GALNT15: variants seen among roughly 807,000 people sequenced by gnomAD.
GALNT15 encodes UDP-GalNAc transferase T15.
GALNT15 carries 67 observed loss-of-function variants against 66.8 expected under a neutral mutation model. That is an observed-to-expected ratio of 1.00 (90% CI 0.82 to 1.23). GALNT15 has a LOEUF of 1.23. Among genes scored for constraint, GALNT15 ranks in the 50% most tolerant of loss-of-function variants. The probability of loss-of-function intolerance (pLI) is 0.00; values close to 1 mark genes in which losing one functional copy is unlikely to be tolerated. For missense variants in GALNT15, 827 were observed against 804.3 expected (o/e 1.03, Z -0.34); for synonymous variants, 313 against 311.5 (o/e 1.00, Z -0.05).
the GALNT15 span, among the ~76,000 whole-genome samples, chr3:16,244,659 A>G: frequency 1.3e-5 from 2 of 152,228 alleles, no homozygotes; most frequent in Admixed American, 6.5e-5. Context: ...ATCGGCATGT[A>G]GACAGTGCAA....
chr3:16,184,265 T>C lies in GALNT15; in HGVS notation c.539+8575T>C, dbSNP rs766012191. 6.6e-6 allele frequency among the ~76,000 whole-genome samples: 1 copy of C among 152,270 alleles called. No homozygotes were observed. Among genetic ancestry groups the C allele is most frequent in the Non-Finnish European group, 1.5e-5 (1 of 68,056 alleles). On this transcript the variant is annotated intron_variant, in intron 1 of 9. Transcript: ENST00000339732. This position sits in a 1 kb window ranked among gnomAD's most constrained non-coding sequence, Gnocchi z 5.0. ...TGAAGCAGAGAAGTTAGCCTCATTA[T>C]TTAACAATAAAAACATACATTTCTT... is the stretch of plus-strand genomic sequence containing the variant.
In GALNT15 at chr3:16,228,598, G is replaced by T. The variant is rs2064047959; in HGVS notation, c.*1098G>T. On this transcript the variant is annotated 3_prime_UTR_variant, in exon 10 of 10. Transcript: ENST00000339732. ...AGAGGTTGCAGTGAGCTGAGATCAT[G>T]CCATTGCACTCCAACCTGGGTGACA... The T allele has an allele frequency of 2.1e-6, 2 of 933,816 alleles. No individual in the cohort carries two copies. The highest frequency in any genetic ancestry group is 2.5e-6 in the Non-Finnish European group (2 of 785,240). 57.8% of individuals were successfully genotyped at this position (933,816 alleles called of 1,614,324 possible). A position where few individuals can be genotyped will look rare whatever the true frequency, so the allele number is the denominator to read the frequency against.
At chr3:16,232,508 A>ATATATATT (rs1553689265), downstream of GALNT15, among the ~76,000 whole-genome samples, 4 of 78,596 alleles carry the variant, frequency 5.1e-5, no homozygotes, top group Admixed American at 1.2e-4. Context: ...ATATATATAT[A>ATATATATT]TATTTATTTA....
intron 3 of GALNT15, among the ~76,000 whole-genome samples, chr3:16,205,211 CT>C (rs2063744652): frequency 6.6e-6 from 1 of 152,228 alleles, no homozygotes. Context: ...GTATAAGAGA[CT>C]TTCCACAAAC....
intron 8 of GALNT15, among the ~76,000 whole-genome samples, chr3:16,220,666 A>T (rs749963018): frequency 6.6e-6 from 1 of 152,220 alleles, no homozygotes; most frequent in Non-Finnish European, 1.5e-5. Context: ...AAGTTATCAC[A>T]TCCCAAAGGC....
Position 16,175,566 on chromosome 3 carries a change from G to A in GALNT15, c.415G>A (p.Glu139Lys), listed in dbSNP as rs1482082185. The A allele has an allele frequency of 3.7e-6, 6 of 1,613,954 alleles. No individual in the cohort carries two copies. Among genetic ancestry groups the A allele is most frequent in the Non-Finnish European group, 5.1e-6 (6 of 1,179,992 alleles). The part of the protein sequence containing the change: ...EAPKRDWGAD[E>K]DGEVSEEEEL... ...CCCAAAGAGGGACTGGGGGGCTGATGAGGACGGGGAGGTGTCTGAAGAAGA... is the reference window on the plus strand; with the variant it reads ...CCCAAAGAGGGACTGGGGGGCTGATAAGGACGGGGAGGTGTCTGAAGAAGA... Residue 139 changes from glutamate to lysine, a missense_variant, in exon 1 of 10, where the codon GAG (glutamate) becomes AAG (lysine). Transcript: ENST00000339732. The surrounding 1 kb of genome is among the most constrained non-coding windows in gnomAD (Gnocchi z 5.6).
At chr3:16,190,600 T>G (rs886128375) in intron 1 of GALNT15, among the ~76,000 whole-genome samples, 2 of 140,490 alleles carry the variant, frequency 1.4e-5, no homozygotes, top group African/African-American at 5.4e-5. Context: ...ATCGCGCCAC[T>G]GCACTCCAGC....
Position 16,200,255 on chromosome 3 carries a change from T to C in GALNT15, c.707-364T>C, listed in dbSNP as rs2063684912. Among the ~76,000 whole-genome samples the C allele has an allele frequency of 6.6e-6, 1 of 152,084 alleles. No homozygotes were observed. The highest frequency in any genetic ancestry group is 2.1e-4 in the South Asian group (1 of 4,822). ...CCCACCAGGTCCCTCCCTCGCCACA[T>C]AGGGATTATGGGGATTACCACTCAA... On this transcript the variant is annotated intron_variant, in intron 2 of 9. Transcript: ENST00000339732. This position sits in a 1 kb window ranked among gnomAD's most constrained non-coding sequence, Gnocchi z 4.4.
chr3:16,179,930 C>T (rs1296770188), intron 1 of GALNT15, among the ~76,000 whole-genome samples: 1 of 152,202 alleles, frequency 6.6e-6, no homozygotes, highest in Non-Finnish European at 1.5e-5. Flanking sequence ...CCCATTTAGC[C>T]TCCTGTAGCA....
rs1360720973 is a variant in GALNT15, at chr3:16,191,491, C to A, written c.540-4269C>A. On this transcript the variant is annotated intron_variant, in intron 1 of 9. Transcript: ENST00000339732. This position sits in a 1 kb window ranked among gnomAD's most constrained non-coding sequence, Gnocchi z 5.2. ...CTGAGGAAACCAAGGCACCCAGAAG[C>A]TAAGCAACTTTCCCAGGGTCATCTC... 4.4e-6 allele frequency: 1 copy of A among 226,374 alleles called. No individual in the cohort carries two copies. Among genetic ancestry groups the A allele is most frequent in the Non-Finnish European group, 7.4e-6 (1 of 135,730 alleles). The allele number at this position is 226,374 out of a possible 1,614,324, so 14.0% of individuals were successfully genotyped here.
intron 6 of GALNT15, among the ~76,000 whole-genome samples, chr3:16,213,019 G>A (rs2063833740): frequency 6.6e-6 from 1 of 152,098 alleles, no homozygotes; most frequent in East Asian, 1.9e-4. Context: ...CTATGGGATG[G>A]GATCCCTCAC....
intron 6 of GALNT15, among the ~76,000 whole-genome samples, chr3:16,216,224 A>G (rs767037677): frequency 7.9e-5 from 12 of 152,194 alleles, no homozygotes; most frequent in Non-Finnish European, 1.5e-4. Flanking sequence ...TGAGGGGCAT[A>G]AGGCAGAGTG....
chr3:16,226,521 A>G (rs1386188109), intron 9 of GALNT15, among the ~76,000 whole-genome samples: 1 of 152,198 alleles, frequency 6.6e-6, no homozygotes, highest in Non-Finnish European at 1.5e-5. Context: ...CCGTCCTTAC[A>G]TGGCGGAGCA....
the GALNT15 span, among the ~76,000 whole-genome samples, chr3:16,247,646 C>G: frequency 6.6e-6 from 1 of 152,204 alleles, no homozygotes; most frequent in Non-Finnish European, 1.5e-5. Flanking sequence ...AACGCAAGGC[C>G]CAGAATCAGA....
At chr3:16,246,263 AACTGTCCTAAGGGTC>A in the GALNT15 span, among the ~76,000 whole-genome samples, 3 of 151,586 alleles carry the variant, frequency 2.0e-5, no homozygotes, top group Non-Finnish European at 2.9e-5. Flanking sequence ...ATCCTGAGGG[AACTGTCCTAAGGGTC>A]ACTGTGCCCT....
chr3:16,231,873 G>A (rs1018880761), downstream of GALNT15: 2 of 1,536,148 alleles, frequency 1.3e-6, no homozygotes, highest in Non-Finnish European at 1.7e-6. The surrounding 1 kb of genome is among the most constrained non-coding windows in gnomAD (Gnocchi z 4.1). Context: ...ACAATGGGTA[G>A]GACATCATTT....
At position 16,229,741 on chromosome 3, in the gene GALNT15, A is replaced by T; in HGVS notation, c.*2241A>T. ...ATAATTAAATAAAAGACTGAATTTAATTGCATAAATTGTATTAGGTGGCAA... is the reference window on the plus strand; with the variant it reads ...ATAATTAAATAAAAGACTGAATTTATTTGCATAAATTGTATTAGGTGGCAA... On this transcript the variant is annotated 3_prime_UTR_variant, in exon 10 of 10. Transcript: ENST00000339732. The T allele has an allele frequency of 1.0e-6, 1 of 980,792 alleles. No homozygotes were observed. Among genetic ancestry groups the T allele is most frequent in the Non-Finnish European group, 1.2e-6 (1 of 825,708 alleles). 60.8% of individuals were successfully genotyped at this position (980,792 alleles called of 1,614,324 possible).
At position 16,180,065 on chromosome 3, in the gene GALNT15, T is replaced by G. The variant is rs2063453438; in HGVS notation, c.539+4375T>G. Among the ~76,000 whole-genome samples the G allele has an allele frequency of 6.6e-6, 1 of 152,242 alleles. No homozygotes were observed. The highest frequency in any genetic ancestry group is 2.4e-5 in the African/African-American group (1 of 41,472). On this transcript the variant is annotated intron_variant, in intron 1 of 9. Coordinates refer to ENST00000339732, the MANE Select transcript of GALNT15 (RefSeq NM_054110.5). This position sits in a 1 kb window ranked among gnomAD's most constrained non-coding sequence, Gnocchi z 5.0. ...GTGAGCCAGTGCTTTGTAATCTACA[T>G]CTACGGCTGAACTTGAGCGTGCATC...
intron 1 of GALNT15, among the ~76,000 whole-genome samples, chr3:16,194,156 C>G (rs1328574279): frequency 1.3e-5 from 2 of 152,208 alleles, no homozygotes; most frequent in Non-Finnish European, 2.9e-5. Flanking sequence ...CCCTCGAAGC[C>G]TCCGTTTCCT....
Sources: allele counts gnomAD v4.1 joint callset (sites outside exome capture counted in the v4.1 genomes callset), GRCh38; gene constraint gnomAD v4.1.1; non-coding constraint Gnocchi (gnomAD v3.1); transcripts MANE v1.5; gene names NCBI Gene and HGNC (gene_info 2026-07-23, HGNC 2026-07-21).